GLRA3: variants seen among roughly 807,000 people sequenced by gnomAD.
The protein encoded by GLRA3 is glycine receptor subunit alpha-3.
In GLRA3, 44 loss-of-function variants were observed where a neutral mutation model predicts 60.4. The ratio of observed to expected loss-of-function variants is 0.73; its 90% CI spans 0.57 to 0.94. GLRA3 has a LOEUF of 0.94. Ranked by LOEUF, GLRA3 falls within the 40% of genes least tolerant of loss-of-function variation. The probability of loss-of-function intolerance (pLI) is 0.00; values close to 1 mark genes in which losing one functional copy is unlikely to be tolerated. For synonymous variants in GLRA3, 223 were observed against 192.9 expected, an observed-to-expected ratio of 1.16 and a Z score of -1.29; for missense variants, 508 against 564.6, an observed-to-expected ratio of 0.90 and a Z score of 1.02.
At chr4:174,774,228 G>A (rs1162910499) in intron 2 of GLRA3, among the ~76,000 whole-genome samples, 2 of 152,184 alleles carry the variant, frequency 1.3e-5, no homozygotes, top group African/African-American at 4.8e-5. Flanking sequence ...CTGGTTTCTT[G>A]CTGTTGGAAG....
intron 7 of GLRA3, among the ~76,000 whole-genome samples, chr4:174,664,811 AC>A (rs1733590412): frequency 6.6e-6 from 1 of 152,150 alleles, no homozygotes; most frequent in Non-Finnish European, 1.5e-5. Flanking sequence ...ATTCATATTA[AC>A]CCTTCACATA....
intron 2 of GLRA3, among the ~76,000 whole-genome samples, chr4:174,779,179 G>A (rs1738757631): frequency 6.6e-6 from 1 of 152,182 alleles, no homozygotes; most frequent in Non-Finnish European, 1.5e-5. Context: ...CAGCCTAACT[G>A]GGAGGCACCC....
intron 3 of GLRA3, among the ~76,000 whole-genome samples, chr4:174,749,161 G>A (rs981656036): frequency 1.8e-4 from 28 of 152,148 alleles, no homozygotes; most frequent in Non-Finnish European, 3.8e-4. Context: ...TCAGCAGTGT[G>A]TTCCTGGAGC....
intron 1 of GLRA3, among the ~76,000 whole-genome samples, chr4:174,822,820 T>C (rs1740794401): frequency 6.6e-6 from 1 of 152,214 alleles, no homozygotes; most frequent in Admixed American, 6.5e-5. Context: ...ATGCTATTCC[T>C]AATTGTACCA....
At chr4:174,798,961 G>C (rs538865624) in intron 1 of GLRA3, among the ~76,000 whole-genome samples, 2 of 152,030 alleles carry the variant, frequency 1.3e-5, no homozygotes, top group African/African-American at 4.8e-5. Context: ...AACACCTCTG[G>C]AGACAGAGAA....
At chr4:174,743,165 A>T (rs777981825) in intron 3 of GLRA3, among the ~76,000 whole-genome samples, 21 of 152,344 alleles carry the variant, frequency 1.4e-4, no homozygotes, top group Non-Finnish European at 2.4e-4. Flanking sequence ...ACATATTCAT[A>T]GTAGTTTTTG....
At chr4:174,798,175 A>G (rs975172067) in intron 1 of GLRA3, among the ~76,000 whole-genome samples, 8 of 152,200 alleles carry the variant, frequency 5.3e-5, no homozygotes, top group African/African-American at 1.9e-4. Flanking sequence ...TTATTTGCAC[A>G]GAGGGAAGAA....
intron 1 of GLRA3, among the ~76,000 whole-genome samples, chr4:174,797,663 A>T (rs547073170): frequency 3.3e-5 from 5 of 152,252 alleles, no homozygotes; most frequent in African/African-American, 1.2e-4. Flanking sequence ...AGCTGGGTGC[A>T]TTGGCTCACA....
chr4:174,682,975 A>C, intron 5 of GLRA3, 36 bp from the exon 6 acceptor site: 1 of 1,552,332 alleles, frequency 6.4e-7, no homozygotes, highest in Non-Finnish European at 8.9e-7. Flanking sequence ...AATAGTCTAA[A>C]AAGGGCATTC....
chr4:174,702,391 A>G (rs956725474), intron 5 of GLRA3, among the ~76,000 whole-genome samples: 2 of 152,228 alleles, frequency 1.3e-5, no homozygotes, highest in African/African-American at 2.4e-5. Context: ...TAACTTTTAT[A>G]TACACTGGGA....
At chr4:174,771,705 TAA>T (rs1225401223) in intron 2 of GLRA3, among the ~76,000 whole-genome samples, 2 of 152,016 alleles carry the variant, frequency 1.3e-5, no homozygotes, top group African/African-American at 4.8e-5. Context: ...CGGAAATAAA[TAA>T]AAGAGTGGGG....
At chr4:174,695,557 C>G (rs998291692) in intron 5 of GLRA3, among the ~76,000 whole-genome samples, 2 of 152,066 alleles carry the variant, frequency 1.3e-5, no homozygotes, top group Admixed American at 1.3e-4. Context: ...GTTAAAAACT[C>G]TCAATAAACT....
intron 2 of GLRA3, among the ~76,000 whole-genome samples, chr4:174,773,522 G>A (rs959776266): frequency 6.6e-6 from 1 of 152,106 alleles, no homozygotes; most frequent in Non-Finnish European, 1.5e-5. Flanking sequence ...TTTTCAGGGA[G>A]TGTTGTATTA....
intron 9 of GLRA3, among the ~76,000 whole-genome samples, chr4:174,644,790 T>C (rs1431186678): frequency 6.6e-6 from 1 of 152,140 alleles, no homozygotes; most frequent in African/African-American, 2.4e-5. Flanking sequence ...AAAAGTATCA[T>C]TTCTTTTAAA....
intron 1 of GLRA3, among the ~76,000 whole-genome samples, chr4:174,790,860 C>T (rs1156332883): frequency 1.4e-5 from 2 of 148,130 alleles, no homozygotes; most frequent in Non-Finnish European, 3.0e-5. Context: ...AGAAATTAGC[C>T]GGGCGTAGTG....
At chr4:174,768,046 C>A (rs1738224895) in intron 2 of GLRA3, among the ~76,000 whole-genome samples, 1 of 152,062 alleles carries the variant, frequency 6.6e-6, no homozygotes, top group South Asian at 2.1e-4. Context: ...CAAGTGAGTT[C>A]TTAGTGAAGT....
At chr4:174,665,187 A>G (rs1438586641) in intron 7 of GLRA3, among the ~76,000 whole-genome samples, 1 of 150,226 alleles carries the variant, frequency 6.7e-6, no homozygotes, top group Non-Finnish European at 1.5e-5. Context: ...AGTTTTTGAA[A>G]CCTGAAAGCA....
At chr4:174,706,650 G>T (rs1468743221) in intron 5 of GLRA3, among the ~76,000 whole-genome samples, 2 of 152,182 alleles carry the variant, frequency 1.3e-5, no homozygotes, top group Non-Finnish European at 2.9e-5. Context: ...CCCTGCTTGA[G>T]CAGGACAAGA....
rs1368667701 is a variant in GLRA3 at position 174,640,102 on chromosome 4, A to G, written c.*3684T>C. The G allele has an allele frequency of 4.6e-5, 7 of 152,102 alleles. No individual in the cohort carries two copies. The highest frequency in any genetic ancestry group is 8.8e-5 in the Non-Finnish European group (6 of 67,972). 9.4% of individuals were successfully genotyped at this position (152,102 alleles called of 1,614,324 possible). ...AAATATAGGTCGTATATGCTGATAA[A>G]TTTTGGGAGTTTATGCTATTATCTA... is the stretch of plus-strand genomic sequence containing the variant. On this transcript the variant is annotated 3_prime_UTR_variant, in exon 10 of 10. Coordinates refer to ENST00000274093, the MANE Select transcript of GLRA3 (RefSeq NM_006529.4).
Sources: gnomAD v4.1 joint callset for allele counts (sites outside exome capture counted in the v4.1 genomes callset) on GRCh38, gnomAD v4.1.1 for gene constraint, MANE v1.5 for transcripts, NCBI Gene and HGNC (gene_info 2026-07-23, HGNC 2026-07-21) for gene names.